Variants in MECOM observed in about 807,000 individuals in gnomAD.
MECOM encodes the protein MDS1 and EVI1 complex locus.
In MECOM, 13 loss-of-function variants were observed where a neutral mutation model predicts 116.3. The ratio of observed to expected loss-of-function variants is 0.11; its 90% CI spans 0.07 to 0.18. The LOEUF (loss-of-function observed/expected upper bound fraction) is 0.18, where lower values mean the gene tolerates loss of function less well. Among genes scored for constraint, MECOM ranks in the 10% least tolerant of loss-of-function variants. The pLI is 1.00. For synonymous variants in MECOM, 528 were observed against 535.2 expected (o/e 0.99, Z 0.19); for missense variants, 1,299 against 1,509.0 (o/e 0.86, Z 2.31).
In MECOM at chr3:169,427,453, C is replaced by T. The variant is rs148727037; in HGVS notation, c.38-45929G>A. 2.0e-3 allele frequency among the ~76,000 whole-genome samples: 310 copies of T among 152,252 alleles called. 2 individuals are homozygous for T. The highest frequency in any genetic ancestry group is 6.9e-3 in the African/African-American group (288 of 41,560). On this transcript the variant is annotated intron_variant, in intron 1 of 16. Transcript: ENST00000651503. ...CTTGGTCTAAAATAAAAGGAAACCT[C>T]TTCAGCTATTCAAAAGGAAGTCATT...
chr3:169,383,381 A>T (rs563151826), intron 1 of MECOM, among the ~76,000 whole-genome samples: 7 of 152,258 alleles, frequency 4.6e-5, no homozygotes, highest in African/African-American at 1.2e-4. Flanking sequence ...ATCTGCCCTC[A>T]AATTGATTCT....
rs9814490 is a variant in MECOM at position 169,518,624 on chromosome 3, C to A, written c.38-137100G>T. On this transcript the variant is annotated intron_variant, in intron 1 of 16. Transcript: ENST00000651503. ...GTTTGTTTGTTTGCTTGTTTCCTTG[C>A]CAGCTTCACATTTTACAGATTCTCA... 5.0e-3 allele frequency among the ~76,000 whole-genome samples: 768 copies of A among 152,232 alleles called. 6 individuals are homozygous for A. The highest frequency in any genetic ancestry group is 0.018 in the African/African-American group (729 of 41,520).
intron 2 of MECOM, among the ~76,000 whole-genome samples, chr3:169,378,489 GAA>G (rs1300778531): frequency 0.013 from 402 of 30,148 alleles, 44 homozygotes; most frequent in African/African-American, 0.092. Flanking sequence ...AAGAGAGAGA[GAA>G]AGAAAGAAAG....
intron 2 of MECOM, among the ~76,000 whole-genome samples, chr3:169,191,777 A>C: frequency 6.9e-6 from 1 of 144,982 alleles, no homozygotes; most frequent in Non-Finnish European, 1.5e-5. Context: ...AAAGAAAGAA[A>C]GAAAGAAAGA....
At chr3:169,269,150 C>T (rs1758642803) in intron 2 of MECOM, 1 of 152,018 alleles carries the variant, frequency 6.6e-6, no homozygotes, top group Non-Finnish European at 1.5e-5. Context: ...TGTTCTCATG[C>T]TATTCCTAGG....
At chr3:169,615,979 T>C (rs1357588180) in intron 1 of MECOM, among the ~76,000 whole-genome samples, 1 of 152,230 alleles carries the variant, frequency 6.6e-6, no homozygotes, top group Non-Finnish European at 1.5e-5. Flanking sequence ...TGTTCAATCA[T>C]TCCTGTTGGT....
intron 2 of MECOM, among the ~76,000 whole-genome samples, chr3:169,348,215 C>T (rs1468130177): frequency 6.6e-6 from 1 of 152,078 alleles, no homozygotes; most frequent in African/African-American, 2.4e-5. Flanking sequence ...CACACATGTG[C>T]ATAAGGACCA....
intron 1 of MECOM, among the ~76,000 whole-genome samples, chr3:169,658,520 A>G (rs1775814032): frequency 6.6e-6 from 1 of 152,232 alleles, no homozygotes; most frequent in African/African-American, 2.4e-5. Context: ...CGAGGGAAGC[A>G]GCGCGCCAGG....
chr3:169,250,537 C>T (rs1455440715), intron 2 of MECOM, among the ~76,000 whole-genome samples: 5 of 152,156 alleles, frequency 3.3e-5, no homozygotes, highest in African/African-American at 4.8e-5. Context: ...GAAAATTATA[C>T]CCATCAGATT....
intron 2 of MECOM, among the ~76,000 whole-genome samples, chr3:169,281,684 T>C (rs1257131170): frequency 6.6e-6 from 1 of 152,038 alleles, no homozygotes; most frequent in Non-Finnish European, 1.5e-5. Flanking sequence ...TGGTGGCATG[T>C]ACCTGCAGTC....
intron 12 of MECOM, among the ~76,000 whole-genome samples, chr3:169,099,031 T>C (rs73029121): frequency 0.057 from 8,587 of 151,920 alleles, 818 homozygotes; most frequent in African/African-American, 0.2. Context: ...ATCTTCCCTG[T>C]AGCAGTTATT....
intron 1 of MECOM, among the ~76,000 whole-genome samples, chr3:169,603,531 T>A (rs1281059768): frequency 6.6e-6 from 1 of 152,242 alleles, no homozygotes; most frequent in African/African-American, 2.4e-5. Context: ...TCACATTCAC[T>A]CACCATTCAT....
chr3:169,486,079 T>A (rs1752348354), intron 1 of MECOM, among the ~76,000 whole-genome samples: 3 of 143,272 alleles, frequency 2.1e-5, no homozygotes, highest in African/African-American at 7.7e-5. Context: ...ATCACCAAGT[T>A]TGATGTGGTT....
intron 1 of MECOM, among the ~76,000 whole-genome samples, chr3:169,502,238 C>T (rs1473898583): frequency 6.6e-6 from 1 of 152,054 alleles, no homozygotes; most frequent in African/African-American, 2.4e-5. Context: ...CAAATTAGAC[C>T]ACTCATTGGA....
intron 1 of MECOM, among the ~76,000 whole-genome samples, chr3:169,567,793 C>G (rs1252046934): frequency 6.6e-6 from 1 of 152,010 alleles, no homozygotes; most frequent in African/African-American, 2.4e-5. Flanking sequence ...GACAGTTAAA[C>G]TATGTACAAC....
chr3:169,494,004 A>T (rs1001759551), intron 1 of MECOM, among the ~76,000 whole-genome samples: 10 of 152,172 alleles, frequency 6.6e-5, no homozygotes, highest in African/African-American at 2.4e-4. Context: ...TGCAGCAATC[A>T]TCTTTGATGG....
chr3:169,662,192 C>T (rs979846896), intron 1 of MECOM, among the ~76,000 whole-genome samples: 1 of 152,210 alleles, frequency 6.6e-6, no homozygotes, highest in Non-Finnish European at 1.5e-5. Context: ...CTCCCCAAAC[C>T]CCTTAGCCCA....
intron 1 of MECOM, among the ~76,000 whole-genome samples, chr3:169,436,341 C>G (rs1424266278): frequency 6.6e-6 from 1 of 151,498 alleles, no homozygotes; most frequent in Non-Finnish European, 1.5e-5. Flanking sequence ...ACCTCCGCCT[C>G]CCAGGTTCAA....
At chr3:169,102,341 G>A in intron 10 of MECOM, 115 bp from the exon 11 acceptor site, 2 of 858,256 alleles carry the variant, frequency 2.3e-6, no homozygotes, top group Non-Finnish European at 3.5e-6. Context: ...ACGGGTTGTA[G>A]AAAGAGACTG....
Sources: gnomAD v4.1 joint callset for allele counts (sites outside exome capture counted in the v4.1 genomes callset) on GRCh38, gnomAD v4.1.1 for gene constraint, MANE v1.5 for transcripts, NCBI Gene and HGNC (gene_info 2026-07-23, HGNC 2026-07-21) for gene names.